Variants in GLIS1 observed in about 807,000 individuals in gnomAD.
The protein encoded by GLIS1 is zinc finger protein GLIS1.
GLIS1 carries 24 observed loss-of-function variants against 63.8 expected under a neutral mutation model. The observed-to-expected ratio is 0.38, with a 90% CI of 0.27 to 0.53. GLIS1 has a LOEUF of 0.53. Ranked by LOEUF, GLIS1 falls within the 20% of genes least tolerant of loss-of-function variation. The pLI, the probability that GLIS1 is intolerant of heterozygous loss-of-function variation, is 0.85. For synonymous variants in GLIS1, 450 were observed against 482.5 expected (o/e 0.93, Z 0.88); for missense variants, 1,036 against 1,074.1 (o/e 0.96, Z 0.50).
chr1:53,604,128 A>G (rs139985675), intron 2 of GLIS1, among the ~76,000 whole-genome samples: 2 of 152,370 alleles, frequency 1.3e-5, no homozygotes, highest in Admixed American at 1.3e-4. Context: ...GCTCACAGTT[A>G]GTGCTTAAAA....
chr1:53,678,281 G>A lies in GLIS1; in HGVS notation c.259+59525C>T, dbSNP rs553407164. ...CCCCTTGCACGAAGAACCTCTCTGC[G>A]GATTTGAGCCATCAGTTCTCAGGTG... On this transcript the variant is annotated intron_variant, in intron 2 of 10. Transcript: ENST00000628545. 5.5e-5 allele frequency among the ~76,000 whole-genome samples: 8 copies of A among 146,772 alleles called. No homozygotes were observed. The South Asian group carries it at 1.5e-3, about 28-fold the overall frequency.
intron 8 of GLIS1, among the ~76,000 whole-genome samples, chr1:53,514,042 A>G (rs1372736877): frequency 2.0e-5 from 3 of 152,250 alleles, no homozygotes; most frequent in African/African-American, 7.2e-5. Flanking sequence ...CAATTAACAC[A>G]TTCACCATTT....
At chr1:53,550,597 G>A (rs12742496) in intron 4 of GLIS1, among the ~76,000 whole-genome samples, 293 of 152,246 alleles carry the variant, frequency 1.9e-3, no homozygotes, top group Middle Eastern at 0.014. Flanking sequence ...TCCCACAGTC[G>A]GGGAAAAGCT....
At chr1:53,653,768 T>C (rs1645934239) in intron 2 of GLIS1, among the ~76,000 whole-genome samples, 1 of 152,178 alleles carries the variant, frequency 6.6e-6, no homozygotes, top group African/African-American at 2.4e-5. Flanking sequence ...GGGTGTGGCC[T>C]GAGGTCAGCT....
chr1:53,666,829 C>T (rs952454018), intron 2 of GLIS1, among the ~76,000 whole-genome samples: 6 of 152,166 alleles, frequency 3.9e-5, no homozygotes, highest in Non-Finnish European at 8.8e-5. Context: ...CTCTGCTGTG[C>T]TCCTAATGCC....
At chr1:53,547,048 T>G (rs905336517) in intron 4 of GLIS1, among the ~76,000 whole-genome samples, 1 of 152,228 alleles carries the variant, frequency 6.6e-6, no homozygotes, top group Non-Finnish European at 1.5e-5. Flanking sequence ...CAGGGCATGC[T>G]TGCTGACTGC....
chr1:53,611,932 C>T (rs1645428308), intron 2 of GLIS1, among the ~76,000 whole-genome samples: 1 of 152,210 alleles, frequency 6.6e-6, no homozygotes, highest in South Asian at 2.1e-4. Context: ...CTCCCAGGCT[C>T]AAGGGATCCT....
chr1:53,558,188 T>G (rs1030835600), intron 4 of GLIS1, among the ~76,000 whole-genome samples: 4 of 152,142 alleles, frequency 2.6e-5, no homozygotes, highest in African/African-American at 9.7e-5. Flanking sequence ...AGCACGCAGG[T>G]GGGGTGGCTG....
At chr1:53,645,467 C>T (rs1187591621) in intron 2 of GLIS1, among the ~76,000 whole-genome samples, 1 of 152,146 alleles carries the variant, frequency 6.6e-6, no homozygotes, top group Non-Finnish European at 1.5e-5. Flanking sequence ...TTGTGACACC[C>T]AGCAGGGGCC....
At chr1:53,509,399 T>A in intron 9 of GLIS1, 112 bp from the exon 10 acceptor site, 1 of 1,178,158 alleles carries the variant, frequency 8.5e-7, no homozygotes, top group South Asian at 1.6e-5. Flanking sequence ...CCAGGCATTG[T>A]GGGTGTGAGA....
chr1:53,672,629 C>T (rs777914728), intron 2 of GLIS1, among the ~76,000 whole-genome samples: 16 of 152,226 alleles, frequency 1.1e-4, no homozygotes, highest in Non-Finnish European at 2.1e-4. Context: ...GACAACAGGG[C>T]TTCTCTGCCA....
chr1:53,726,022 G>A (rs753146039), intron 2 of GLIS1, among the ~76,000 whole-genome samples: 1 of 152,172 alleles, frequency 6.6e-6, no homozygotes, highest in Non-Finnish European at 1.5e-5. Context: ...CTGCTTCCAA[G>A]AAGCCCACAG....
intron 2 of GLIS1, among the ~76,000 whole-genome samples, chr1:53,657,528 C>T (rs1645979823): frequency 6.6e-6 from 1 of 152,180 alleles, no homozygotes. Context: ...TTTATAAGGA[C>T]TGGCAGCTTC....
intron 4 of GLIS1, among the ~76,000 whole-genome samples, chr1:53,580,085 C>G (rs1308544907): frequency 6.6e-6 from 1 of 152,110 alleles, no homozygotes; most frequent in African/African-American, 2.4e-5. Flanking sequence ...TCCAGGAGCC[C>G]CTGGGGCAGA....
Position 53,634,968 on chromosome 1 carries a change from T to C in GLIS1, c.260-34690A>G, listed in dbSNP as rs190200309. Among the ~76,000 whole-genome samples the C allele has an allele frequency of 6.6e-5, 10 of 152,256 alleles. No individual in the cohort carries two copies. The East Asian group carries it at 1.5e-3, about 24-fold the overall frequency. On this transcript the variant is annotated intron_variant, in intron 2 of 10. Coordinates refer to ENST00000628545, the MANE Select transcript of GLIS1 (RefSeq NM_001367484.1). The stretch of plus-strand genomic sequence containing the variant: ...CAGGAACATTACCTAGACCAGAGCA[T>C]GACAATCTCTGCTTTCAGGGGAGTC...
intron 2 of GLIS1, among the ~76,000 whole-genome samples, chr1:53,691,156 G>C (rs1357315940): frequency 6.6e-6 from 1 of 152,156 alleles, no homozygotes; most frequent in Non-Finnish European, 1.5e-5. Context: ...AGGAGTTCAA[G>C]ACCAGCCTGG....
At chr1:53,723,954 G>T (rs953913171) in intron 2 of GLIS1, among the ~76,000 whole-genome samples, 2 of 152,178 alleles carry the variant, frequency 1.3e-5, no homozygotes, top group Non-Finnish European at 2.9e-5. Flanking sequence ...CTGGCTCTGG[G>T]TTACCCGCTA....
chr1:53,634,250 A>C (rs1645700361), intron 2 of GLIS1, among the ~76,000 whole-genome samples: 1 of 152,230 alleles, frequency 6.6e-6, no homozygotes, highest in Admixed American at 6.5e-5. Context: ...TTTAGGAGCC[A>C]GCTCAGGTCT....
chr1:53,531,174 C>T (rs1644526083), intron 4 of GLIS1, among the ~76,000 whole-genome samples: 1 of 152,206 alleles, frequency 6.6e-6, no homozygotes, highest in Non-Finnish European at 1.5e-5. Context: ...GAGGAAGGGA[C>T]CAGAGGAGGC....
Sources: allele counts gnomAD v4.1 joint callset (sites outside exome capture counted in the v4.1 genomes callset), GRCh38; gene constraint gnomAD v4.1.1; transcripts MANE v1.5; gene names NCBI Gene and HGNC (gene_info 2026-07-23, HGNC 2026-07-21).